KIF21A: variants seen among roughly 807,000 people sequenced by gnomAD.
KIF21A encodes the protein kinesin family member 21A.
KIF21A carries 114 observed loss-of-function variants against 202.9 expected under a neutral mutation model. The observed-to-expected ratio is 0.56, with a 90% confidence interval of 0.48 to 0.66. The LOEUF is 0.66. Ranked by LOEUF, KIF21A falls within the 30% of genes least tolerant of loss-of-function variation. The pLI, the probability that KIF21A is intolerant of heterozygous loss-of-function variation, is 0.00. For synonymous variants in KIF21A, 667 were observed against 670.8 expected (o/e 0.99, Z 0.09); for missense variants, 1,677 against 1,994.9 (o/e 0.84, Z 3.04).
rs58891998 is a variant in KIF21A at position 39,318,481 on chromosome 12, T to C, written c.3780-280A>G. ...GCAAGCCACATTTAAAATTATACAA[T>C]TTTAGAATCAAGAGAAAGTTGCTCA... On this transcript the variant is annotated intron_variant, in intron 28 of 37. Transcript: ENST00000361418. Among the ~76,000 whole-genome samples, 14,916 of 152,146 alleles carry C rather than the reference T, an allele frequency of 0.098. 749 individuals carry two copies. The highest frequency in any genetic ancestry group is 0.14 in the East Asian group (704 of 5,168).
chr12:39,299,752 C>T (rs1009817006), intron 37 of KIF21A, among the ~76,000 whole-genome samples: 4 of 152,160 alleles, frequency 2.6e-5, no homozygotes, highest in Non-Finnish European at 5.9e-5. Flanking sequence ...ACATATACAT[C>T]ATGGAATACC....
intron 1 of KIF21A, among the ~76,000 whole-genome samples, chr12:39,405,003 T>A (rs1021513459): frequency 6.6e-6 from 1 of 151,834 alleles, no homozygotes; most frequent in African/African-American, 2.4e-5. Context: ...AAAAAATATA[T>A]AGTAGAATAG....
rs75233469 is a variant in KIF21A, at chr12:39,409,520, C to T, written c.44+33407G>A. Among the ~76,000 whole-genome samples, 564 of 137,134 alleles carry T rather than the reference C, an allele frequency of 4.1e-3. 3 individuals carry two copies. The highest frequency in any genetic ancestry group is 0.015 in the African/African-American group (536 of 35,898). The allele number at this position is 137,134 out of a possible 152,430, so 90.0% of individuals were successfully genotyped here. A position where few individuals can be genotyped will look rare whatever the true frequency, so the allele number is the denominator to read the frequency against. On this transcript the variant is annotated intron_variant, in intron 1 of 37. Transcript: ENST00000361418. ...CTTGAGTGATGAAGTGAGACCATGTCTCAGAAAAAAAAAAAAAAAAAGTAG... is the reference window on the plus strand; with the variant it reads ...CTTGAGTGATGAAGTGAGACCATGTTTCAGAAAAAAAAAAAAAAAAAGTAG...
chr12:39,438,810 G>C (rs553249764), intron 1 of KIF21A, among the ~76,000 whole-genome samples: 2 of 152,244 alleles, frequency 1.3e-5, no homozygotes, highest in South Asian at 4.1e-4. Context: ...CAAAGTTATC[G>C]TGTCAGAAGA....
At position 39,357,319 on chromosome 12, in the gene KIF21A, G is replaced by A. The variant is rs770807001; in HGVS notation, c.1334C>T (p.Thr445Met). The A allele has an allele frequency of 2.5e-5, 41 of 1,613,724 alleles. No homozygotes were observed. Among genetic ancestry groups the A allele is most frequent in the Non-Finnish European group, 3.0e-5 (35 of 1,179,854 alleles). The change falls in exon 9 of 38, where the codon ACG becomes ATG. Residue 445 changes from threonine (T) to methionine (M), a missense_variant. This residue lies in a region of KIF21A where 966 missense variants were observed against 1,180.9 expected (regional missense o/e 0.82). Transcript: ENST00000361418. ...AATTCTGGACCTCAATGCATCAACC[G>A]TCTCTTGCATGGCTTTAATTCTTAC... ...LRVRIKAMQE[T>M]VDALRSRITQ...
At chr12:39,343,052 A>T (rs1947575668) in intron 12 of KIF21A, among the ~76,000 whole-genome samples, 2 of 152,208 alleles carry the variant, frequency 1.3e-5, no homozygotes, top group Non-Finnish European at 2.9e-5. Context: ...AGTGAACTTT[A>T]AATGAATCTA....
intron 1 of KIF21A, among the ~76,000 whole-genome samples, chr12:39,414,414 A>C (rs1953368102): frequency 6.6e-6 from 1 of 152,198 alleles, no homozygotes; most frequent in Non-Finnish European, 1.5e-5. Flanking sequence ...CATGTACTAC[A>C]AACATAGTGT....
chr12:39,314,357 G>A (rs887958486), intron 31 of KIF21A, among the ~76,000 whole-genome samples: 10 of 151,686 alleles, frequency 6.6e-5, no homozygotes, highest in East Asian at 5.8e-4. Flanking sequence ...AGCAAAACCC[G>A]CTCAAAAGTC....
At chr12:39,310,399 T>C (rs2137348393) in intron 32 of KIF21A, among the ~76,000 whole-genome samples, 1 of 152,102 alleles carries the variant, frequency 6.6e-6, no homozygotes, top group Non-Finnish European at 1.5e-5. Flanking sequence ...CTAGCTGGGA[T>C]CTTATACTTC....
intron 16 of KIF21A, chr12:39,337,503 T>G (rs1947082456): frequency 9.0e-6 from 3 of 333,400 alleles, no homozygotes; most frequent in Non-Finnish European, 1.7e-5. Context: ...TTGATCGAAT[T>G]ACTTTACCTC....
In KIF21A at chr12:39,442,574, GATA is replaced by G. The variant is rs1939794140; in HGVS notation, c.44+350_44+352del. On this transcript the variant is annotated intron_variant, in intron 1 of 37. Transcript: ENST00000361418. The surrounding 1 kb of genome is among the most constrained non-coding windows in gnomAD (Gnocchi z 5.0). ...CACAGGCAGCTCCTCCCGGACAGGC[GATA>G]GCCCAAGGCGGCCAGACCTGAGGTG... Among the ~76,000 whole-genome samples, 4 of 152,326 alleles carry G rather than the reference GATA, an allele frequency of 2.6e-5. No homozygotes were observed. In the South Asian group the frequency reaches 8.3e-4, roughly 32 times the overall value.
At chr12:39,360,307 A>G (rs1242034673) in intron 7 of KIF21A, among the ~76,000 whole-genome samples, 5 of 152,100 alleles carry the variant, frequency 3.3e-5, no homozygotes, top group Admixed American at 3.3e-4. Flanking sequence ...ATTGTATATT[A>G]TATTTCTTAC....
intron 1 of KIF21A, among the ~76,000 whole-genome samples, chr12:39,408,419 T>C (rs1286219503): frequency 6.6e-6 from 1 of 152,046 alleles, no homozygotes; most frequent in African/African-American, 2.4e-5. Flanking sequence ...GCCTGGTTCC[T>C]AGCAGGCCAC....
At chr12:39,364,819 A>T (rs1949490358) in intron 6 of KIF21A, among the ~76,000 whole-genome samples, 1 of 152,200 alleles carries the variant, frequency 6.6e-6, no homozygotes, top group South Asian at 2.1e-4. Flanking sequence ...AGATGATAAC[A>T]ACCTTTTCCT....
rs1489790674 is a variant in KIF21A, at chr12:39,340,937, C to A, written c.2079G>T (p.Gln693His). The A allele has an allele frequency of 6.2e-7, 1 of 1,612,956 alleles. No individual in the cohort carries two copies. The highest frequency in any genetic ancestry group is 1.7e-5 in the Admixed American group (1 of 59,962). Residue 693 changes from glutamine (Q) to histidine (H), a missense_variant, in exon 15 of 38, where the codon CAG (glutamine) becomes CAT (histidine). Around this residue, in one of 3 missense-constraint regions of KIF21A, gnomAD observed 966 missense variants for 1,180.9 expected, o/e 0.82. Transcript: ENST00000361418. ...TTTGAAGCACCTGGTCTCTTTCAAGCTGAGTATCCCGAATTTTATGTTGCA... is the reference window on the plus strand; with the variant it reads ...TTTGAAGCACCTGGTCTCTTTCAAGATGAGTATCCCGAATTTTATGTTGCA... ...MMLQHKIRDTQLERDQVLQNL... is the reference protein window; with the variant it reads ...MMLQHKIRDTHLERDQVLQNL...
chr12:39,431,243 C>A (rs1169370670), intron 1 of KIF21A, among the ~76,000 whole-genome samples: 1 of 152,120 alleles, frequency 6.6e-6, no homozygotes, highest in African/African-American at 2.4e-5. Flanking sequence ...GTGGCAGCTG[C>A]CAGTTCTGTG....
At chr12:39,414,769 A>ATT (rs1401437895) in intron 1 of KIF21A, among the ~76,000 whole-genome samples, 1 of 152,200 alleles carries the variant, frequency 6.6e-6, no homozygotes, top group Middle Eastern at 3.2e-3. Flanking sequence ...TATAACAAAA[A>ATT]TTTAGAGAGT....
At chr12:39,320,807 C>T (rs974584683) in intron 27 of KIF21A, among the ~76,000 whole-genome samples, 13 of 151,204 alleles carry the variant, frequency 8.6e-5, no homozygotes, top group African/African-American at 3.2e-4. Flanking sequence ...TGGTGGCGGG[C>T]ACCTGTAATC....
At chr12:39,366,227 TC>T in intron 6 of KIF21A, 122 bp downstream of exon 6, 3 of 823,288 alleles carry the variant, frequency 3.6e-6, no homozygotes, top group Non-Finnish European at 6.0e-6. Flanking sequence ...TAATAACTGT[TC>T]TATAATTTTC....
Sources: allele counts gnomAD v4.1 joint callset (sites outside exome capture counted in the v4.1 genomes callset), GRCh38; gene constraint gnomAD v4.1.1; regional missense constraint gnomAD v4.1.1; non-coding constraint Gnocchi (gnomAD v3.1); transcripts MANE v1.5; gene names NCBI Gene and HGNC (gene_info 2026-07-23, HGNC 2026-07-21).